Variants in PLCB1 observed in about 807,000 individuals in gnomAD.
PLCB1 encodes phospholipase C beta 1, also known as 1-phosphatidylinositol 4,5-bisphosphate phosphodiesterase beta-1.
Under a neutral mutation model 161.8 loss-of-function variants are expected in PLCB1, and 46 were observed. The observed-to-expected ratio is 0.28, with a 90% CI of 0.22 to 0.36. The LOEUF (loss-of-function observed/expected upper bound fraction) is 0.36. Ranked by LOEUF, PLCB1 falls within the 10% of genes least tolerant of loss-of-function variation. The pLI is 1.00. For synonymous variants in PLCB1, 517 were observed against 503.7 expected (o/e 1.03, Z -0.35); for missense variants, 1,016 against 1,472.5 (o/e 0.69, Z 5.07).
chr20:8,737,721 T>C lies in PLCB1; in HGVS notation c.2208+529T>C, dbSNP rs76967704. 6.5e-3 allele frequency among the ~76,000 whole-genome samples: 987 copies of C among 152,318 alleles called. 9 individuals carry two copies. The highest frequency in any genetic ancestry group is 0.022 in the African/African-American group (916 of 41,588). ...AGCAAATCTTCACACATGCTTATCATGTAAAGGAAGAAAGTAGGTTCAGTG... is the reference window on the plus strand; with the variant it reads ...AGCAAATCTTCACACATGCTTATCACGTAAAGGAAGAAAGTAGGTTCAGTG... On this transcript the variant is annotated intron_variant, in intron 20 of 31. Transcript: ENST00000338037.
Position 8,132,768 on chromosome 20 carries a change from C to T in PLCB1, c.99+18C>T. 6.3e-7 allele frequency: 1 copy of T among 1,581,148 alleles called. No homozygotes were observed. The highest frequency in any genetic ancestry group is 8.7e-7 in the Non-Finnish European group (1 of 1,152,080). On this transcript the variant is annotated intron_variant, in intron 1 of 31. Transcript: ENST00000338037. The surrounding 1 kb of genome is among the most constrained non-coding windows in gnomAD (Gnocchi z 5.2). ...GGGATGATGTAAGTATTGGGGCGGC[C>T]CGAGTCGGGGCGCTGGCTCGGGCAC...
chr20:8,326,747 G>C (rs1985170958), intron 2 of PLCB1, among the ~76,000 whole-genome samples: 1 of 152,120 alleles, frequency 6.6e-6, no homozygotes, highest in Non-Finnish European at 1.5e-5. Flanking sequence ...TTACTTCTAT[G>C]ACCCTCCAGA....
intron 2 of PLCB1, among the ~76,000 whole-genome samples, chr20:8,209,652 G>T (rs555074932): frequency 2.8e-4 from 42 of 152,196 alleles, no homozygotes; most frequent in African/African-American, 9.9e-4. Context: ...TAATACAGAA[G>T]TATGTGAAAC....
At chr20:8,826,210 G>C (rs1425545944) in intron 31 of PLCB1, among the ~76,000 whole-genome samples, 1 of 152,012 alleles carries the variant, frequency 6.6e-6, no homozygotes, top group African/African-American at 2.4e-5. Flanking sequence ...AGAAAAGAAG[G>C]CCTCACCAGG....
At chr20:8,400,136 A>G (rs777204330) in intron 3 of PLCB1, among the ~76,000 whole-genome samples, 1 of 152,206 alleles carries the variant, frequency 6.6e-6, no homozygotes, top group Non-Finnish European at 1.5e-5. Context: ...GGCATAGGGA[A>G]GTACCTTAGC....
At chr20:8,290,018 A>C (rs934168083) in intron 2 of PLCB1, among the ~76,000 whole-genome samples, 1 of 152,154 alleles carries the variant, frequency 6.6e-6, no homozygotes, top group Non-Finnish European at 1.5e-5. Flanking sequence ...GATTCATTCT[A>C]ATTGATTTCT....
At chr20:8,711,120 C>T (rs1978990348) in intron 12 of PLCB1, among the ~76,000 whole-genome samples, 1 of 152,176 alleles carries the variant, frequency 6.6e-6, no homozygotes, top group South Asian at 2.1e-4. Context: ...GGATGAATAA[C>T]TTGCTCAAGG....
At position 8,737,156 on chromosome 20, in the gene PLCB1, T is replaced by C; in HGVS notation, c.2172T>C (p.Asn724=). ...KTKTSQGNAV[N]PVWEEEPIVF... ...AAACATCCCAAGGAAATGCTGTGAA[T>C]CCTGTCTGGGAAGAAGAACCTATTG... The change falls in exon 20 of 32, where the codon AAT becomes AAC. Residue 724 remains asparagine (N), a synonymous_variant. Coordinates refer to ENST00000338037, the MANE Select transcript of PLCB1 (RefSeq NM_015192.4). 1 of 1,613,896 alleles carries C rather than the reference T, an allele frequency of 6.2e-7. No homozygotes were observed. Among genetic ancestry groups the C allele is most frequent in the South Asian group, 1.1e-5 (1 of 91,072 alleles).
chr20:8,613,433 G>A (rs890530441), intron 3 of PLCB1, among the ~76,000 whole-genome samples: 2 of 152,212 alleles, frequency 1.3e-5, no homozygotes, highest in African/African-American at 2.4e-5. Flanking sequence ...AACTCTGCAA[G>A]TTGCTTTTGC....
chr20:8,709,657 C>A (rs546879718), intron 12 of PLCB1, among the ~76,000 whole-genome samples: 1 of 152,248 alleles, frequency 6.6e-6, no homozygotes, highest in South Asian at 2.1e-4. Flanking sequence ...CTTAAAGATG[C>A]AGATTGGTCA....
At chr20:8,256,986 G>T (rs1281046588) in intron 2 of PLCB1, 1 of 152,122 alleles carries the variant, frequency 6.6e-6, no homozygotes, top group Admixed American at 6.6e-5. Flanking sequence ...CTGAACAAAT[G>T]ATTTCCTAAA....
At position 8,628,257 on chromosome 20, in the gene PLCB1, A is replaced by C. The variant is rs368811357; in HGVS notation, c.247-37A>C. On this transcript the variant is annotated intron_variant, in intron 3 of 31. Transcript: ENST00000338037. ...GTTATGCTATCACGTTGGAATCTCT[A>C]GTTATAGACTAATTATTTTCAATAT... 108 of 1,508,320 alleles carry C rather than the reference A, an allele frequency of 7.2e-5. 1 individual carries two copies. The highest frequency in any genetic ancestry group is 9.0e-5 in the Non-Finnish European group (98 of 1,084,272). The allele number at this position is 1,508,320 out of a possible 1,614,324, so 93.4% of individuals were successfully genotyped here.
chr20:8,833,646 G>A (rs1246938732), intron 31 of PLCB1, among the ~76,000 whole-genome samples: 1 of 152,196 alleles, frequency 6.6e-6, no homozygotes. Flanking sequence ...AATGAAGCAA[G>A]GAACTGATTC....
At chr20:8,675,132 G>A (rs572863751) in intron 9 of PLCB1, among the ~76,000 whole-genome samples, 3 of 152,162 alleles carry the variant, frequency 2.0e-5, no homozygotes, top group African/African-American at 4.8e-5. Flanking sequence ...CCACCATGAC[G>A]GGAGTTGGAC....
chr20:8,197,192 G>C (rs562279269), intron 2 of PLCB1, among the ~76,000 whole-genome samples: 1 of 152,104 alleles, frequency 6.6e-6, no homozygotes, highest in East Asian at 1.9e-4. Context: ...CCAGTAATGG[G>C]ATGGCTGGGT....
At chr20:8,474,702 G>T (rs987446808) in intron 3 of PLCB1, among the ~76,000 whole-genome samples, 4 of 152,106 alleles carry the variant, frequency 2.6e-5, no homozygotes, top group Non-Finnish European at 1.5e-5. Flanking sequence ...CTGCATTTAG[G>T]CTGGGGACTA....
intron 9 of PLCB1, among the ~76,000 whole-genome samples, chr20:8,661,405 C>T (rs6118287): frequency 0.38 from 57,229 of 151,976 alleles, 11,371 homozygotes; most frequent in Non-Finnish European, 0.43. Context: ...AGTCCAACGG[C>T]TAGAATATGG....
At chr20:8,495,266 G>A (rs1461737775) in intron 3 of PLCB1, among the ~76,000 whole-genome samples, 2 of 151,876 alleles carry the variant, frequency 1.3e-5, no homozygotes, top group Admixed American at 1.3e-4. Context: ...CAAAGTCTTA[G>A]ATTAAGGCAA....
At chr20:8,203,332 T>C (rs1361399490) in intron 2 of PLCB1, among the ~76,000 whole-genome samples, 1 of 152,008 alleles carries the variant, frequency 6.6e-6, no homozygotes, top group African/African-American at 2.4e-5. Context: ...GTCTAGCTTG[T>C]GTGACCAGAT....
Sources: allele counts gnomAD v4.1 joint callset (sites outside exome capture counted in the v4.1 genomes callset), GRCh38; gene constraint gnomAD v4.1.1; non-coding constraint Gnocchi (gnomAD v3.1); transcripts MANE v1.5; gene names NCBI Gene and HGNC (gene_info 2026-07-23, HGNC 2026-07-21).